Variants in SAMSN1 observed in about 807,000 individuals in gnomAD.
SAMSN1 encodes SAM domain-containing protein SAMSN-1.
Under a neutral mutation model 42.0 loss-of-function variants are expected in SAMSN1, and 31 were observed. The ratio of observed to expected loss-of-function variants is 0.74; its 90% CI spans 0.55 to 1.00. SAMSN1 has a LOEUF of 1.00. SAMSN1 is among the 50% of genes least tolerant of loss of function. The pLI, the probability that SAMSN1 is intolerant of heterozygous loss-of-function variation, is 0.00. For synonymous variants in SAMSN1, 178 were observed against 151.9 expected, an observed-to-expected ratio of 1.17 and a Z score of -1.26; for missense variants, 464 against 439.4, an observed-to-expected ratio of 1.06 and a Z score of -0.50.
intron 1 of SAMSN1, among the ~76,000 whole-genome samples, chr21:14,535,089 G>A (rs562622675): frequency 1.3e-5 from 2 of 152,152 alleles, no homozygotes; most frequent in Non-Finnish European, 2.9e-5. Flanking sequence ...TCAGGAACAC[G>A]GGCCTCACTC....
At chr21:14,587,150 A>G (rs879716317), upstream of SAMSN1, among the ~76,000 whole-genome samples, 4 of 152,174 alleles carry the variant, frequency 2.6e-5, no homozygotes, top group Non-Finnish European at 2.9e-5. Context: ...ATAGCATTCA[A>G]ATGTGCTTCA....
chr21:14,501,032 C>T (rs1987131926), intron 5 of SAMSN1, among the ~76,000 whole-genome samples: 1 of 151,798 alleles, frequency 6.6e-6, no homozygotes, highest in Admixed American at 6.6e-5. Flanking sequence ...TTTAATTAGC[C>T]TGGCGTGGTA....
At chr21:14,593,107 T>G (rs1394674263) in intron 7 of SAMSN1, among the ~76,000 whole-genome samples, 1 of 152,092 alleles carries the variant, frequency 6.6e-6, no homozygotes, top group East Asian at 1.9e-4. Context: ...AAAATACATA[T>G]AGTTGAAAAG....
intron 2 of SAMSN1, among the ~76,000 whole-genome samples, chr21:14,628,418 T>C (rs1022190158): frequency 5.3e-5 from 8 of 151,884 alleles, no homozygotes; most frequent in Non-Finnish European, 1.0e-4. Context: ...TCAACTAAAA[T>C]ATGAAATAAT....
At position 14,594,079 on chromosome 21, in the gene SAMSN1, C is replaced by T; in HGVS notation, c.400-1G>A. 1.4e-6 allele frequency: 1 copy of T among 701,480 alleles called. No homozygotes were observed. The highest frequency in any genetic ancestry group is 2.7e-6 in the Non-Finnish European group (1 of 377,020). 43.5% of individuals were successfully genotyped at this position (701,480 alleles called of 1,614,324 possible). A position where few individuals can be genotyped will look rare whatever the true frequency, so the allele number is the denominator to read the frequency against. On this transcript the variant is annotated splice_acceptor_variant, in intron 6 of 15. Coordinates refer to the SAMSN1 transcript ENST00000647101. LOFTEE classifies it high-confidence loss of function. ...ATGGACTCCAACATTCAGAGGTCAC[C>T]TTAGAAATTAGAAAAGGAAATAGAG...
At chr21:14,598,660 T>C (rs1982342978) in intron 6 of SAMSN1, among the ~76,000 whole-genome samples, 1 of 152,184 alleles carries the variant, frequency 6.6e-6, no homozygotes, top group African/African-American at 2.4e-5. Context: ...GTGTAACTTC[T>C]TCCATGCCTG....
At chr21:14,562,554 A>G (rs1204184546) in intron 2 of SAMSN1, among the ~76,000 whole-genome samples, 1 of 149,792 alleles carries the variant, frequency 6.7e-6, no homozygotes, top group Non-Finnish European at 1.5e-5. Context: ...ATATGTATGT[A>G]TATAATACTA....
chr21:14,599,026 T>C (rs1982354233), intron 6 of SAMSN1, among the ~76,000 whole-genome samples: 1 of 152,212 alleles, frequency 6.6e-6, no homozygotes, highest in South Asian at 2.1e-4. Flanking sequence ...TCCAAGACCA[T>C]ACCTAAGCCA....
intron 2 of SAMSN1, among the ~76,000 whole-genome samples, chr21:14,574,822 C>T (rs1409382645): frequency 1.3e-5 from 2 of 151,938 alleles, no homozygotes; most frequent in African/African-American, 2.4e-5. Flanking sequence ...TTCCATAAAC[C>T]TGACATCTTC....
chr21:14,541,365 C>A (rs1386240306), intron 1 of SAMSN1, among the ~76,000 whole-genome samples: 1 of 151,362 alleles, frequency 6.6e-6, no homozygotes, highest in Non-Finnish European at 1.5e-5. Flanking sequence ...AGTATCCATA[C>A]TTGAACCAGG....
At chr21:14,587,727 G>C (rs419430), upstream of SAMSN1, among the ~76,000 whole-genome samples, 28 of 151,426 alleles carry the variant, frequency 1.8e-4, no homozygotes, top group African/African-American at 5.6e-4. Flanking sequence ...CAATTTTTTT[G>C]TTGTTTTATC....
intron 1 of SAMSN1, among the ~76,000 whole-genome samples, chr21:14,539,112 G>C (rs76740403): frequency 6.6e-6 from 1 of 152,070 alleles, no homozygotes; most frequent in Admixed American, 6.6e-5. Context: ...GTAACAATGG[G>C]ATTCTTTCAT....
chr21:14,596,097 ACT>A (rs1454830544), intron 6 of SAMSN1, among the ~76,000 whole-genome samples: 2 of 152,120 alleles, frequency 1.3e-5, no homozygotes, highest in African/African-American at 2.4e-5. Flanking sequence ...AGTTGCTTAA[ACT>A]CTCTTCTTTA....
intron 1 of SAMSN1, among the ~76,000 whole-genome samples, chr21:14,528,912 G>C (rs1287772809): frequency 6.6e-6 from 1 of 152,008 alleles, no homozygotes; most frequent in Non-Finnish European, 1.5e-5. Context: ...TATTTCATTA[G>C]ATAAACACAA....
intron 5 of SAMSN1, among the ~76,000 whole-genome samples, chr21:14,607,656 G>T (rs1050446633): frequency 2.0e-4 from 30 of 152,192 alleles, no homozygotes; most frequent in Non-Finnish European, 3.4e-4. Flanking sequence ...GCAACCAGAA[G>T]TAACTCATCT....
Position 14,633,479 on chromosome 21 carries a change from A to G in SAMSN1, c.156+9523T>C, listed in dbSNP as rs143238205. On this transcript the variant is annotated intron_variant, in intron 2 of 15. Transcript: ENST00000647101. Reference sequence around the variant, plus strand: ...GTAAAAACTGGGTTCTGGATTGGGTAATGACTTAATCAAGTTCTATTTAGG... The same window carrying G: ...GTAAAAACTGGGTTCTGGATTGGGTGATGACTTAATCAAGTTCTATTTAGG... Among the ~76,000 whole-genome samples the G allele has an allele frequency of 4.9e-3, 744 of 152,310 alleles. 7 individuals are homozygous for G. The highest frequency in any genetic ancestry group is 0.017 in the African/African-American group (713 of 41,568).
chr21:14,643,223 T>C (rs1361952706), intron 1 of SAMSN1: 1 of 642,856 alleles, frequency 1.6e-6, no homozygotes, highest in Non-Finnish European at 2.8e-6. Flanking sequence ...CTTTATATAG[T>C]ACTTTATTTA....
At chr21:14,630,452 C>T (rs1337975160) in intron 2 of SAMSN1, among the ~76,000 whole-genome samples, 18 of 150,636 alleles carry the variant, frequency 1.2e-4, no homozygotes, top group Non-Finnish European at 2.4e-4. Flanking sequence ...TAGTAGTTCT[C>T]CTGTAAGCCT....
At chr21:14,639,797 G>A (rs73894144) in intron 2 of SAMSN1, among the ~76,000 whole-genome samples, 2,078 of 152,038 alleles carry the variant, frequency 0.014, 35 homozygotes, top group African/African-American at 0.047. Flanking sequence ...GTTCACTCCC[G>A]CTAGTTTTTG....
Sources: gnomAD v4.1 joint callset for allele counts (sites outside exome capture counted in the v4.1 genomes callset) on GRCh38, gnomAD v4.1.1 for gene constraint, MANE v1.5 for transcripts, NCBI Gene and HGNC (gene_info 2026-07-23, HGNC 2026-07-21) for gene names.